The following PAFAH1B3 variants were observed in gnomAD, a reference collection of about 807,000 sequenced individuals.
PAFAH1B3 encodes platelet-activating factor acetylhydrolase IB subunit alpha1.
A neutral mutation model predicts 24.4 loss-of-function variants in PAFAH1B3; 15 were observed. That is an observed-to-expected ratio of 0.62 (90% confidence interval 0.41 to 0.95). The LOEUF is 0.95. Ranked by LOEUF, PAFAH1B3 falls within the 40% of genes least tolerant of loss-of-function variation. The pLI, the probability that PAFAH1B3 is intolerant of heterozygous loss-of-function variation, is 0.00. For synonymous variants in PAFAH1B3, 144 were observed against 126.5 expected (o/e 1.14, Z -0.93); for missense variants, 266 against 312.2 (o/e 0.85, Z 1.12).
chr19:42,300,850 T>C (rs1392236223), intron 2 of PAFAH1B3, among the ~76,000 whole-genome samples: 1 of 151,526 alleles, frequency 6.6e-6, no homozygotes, highest in Non-Finnish European at 1.5e-5. Flanking sequence ...GTTTTGCTCT[T>C]GTTGCCCAGG....
intron 4 of PAFAH1B3, among the ~76,000 whole-genome samples, chr19:42,298,228 C>T (rs111748018): frequency 0.015 from 2,317 of 152,178 alleles, 59 homozygotes; most frequent in African/African-American, 0.051. Flanking sequence ...AGGTTGCTCA[C>T]GCCTGTAATC....
Position 42,300,067 on chromosome 19 carries a change from T to G in PAFAH1B3, c.311A>C (p.Asn104Thr). Residue 104 changes from asparagine to threonine, a missense_variant, in exon 4 of 5, where the codon AAC becomes ACC. Transcript: ENST00000262890. ...PKIVVVWVGT[N>T]NHGHTAEQVT... ...CTGCTCTGCTGTGTGTCCGTGGTTG[T>G]TGGTGCCCACCCAGACCACCACAAT... 1 of 1,614,182 alleles carries G rather than the reference T, an allele frequency of 6.2e-7. No individual in the cohort carries two copies. Among genetic ancestry groups the G allele is most frequent in the Non-Finnish European group, 8.5e-7 (1 of 1,180,018 alleles).
At position 42,302,128 on chromosome 19, in the gene PAFAH1B3, C is replaced by T. The variant is rs982180600; in HGVS notation, c.79-89G>A. ...CCTTAGGCAGCGCCTCCTCAACTGC[C>T]CTCAGTTTCCCAATCAGGTAGTGAG... On this transcript the variant is annotated intron_variant, in intron 1 of 4. Coordinates refer to ENST00000262890, the MANE Select transcript of PAFAH1B3 (RefSeq NM_002573.4). 133 of 1,490,870 alleles carry T rather than the reference C, an allele frequency of 8.9e-5. 1 individual carries two copies. Among genetic ancestry groups the T allele is most frequent in the Middle Eastern group, 6.8e-4 (4 of 5,890 alleles). 92.4% of individuals were successfully genotyped at this position (1,490,870 alleles called of 1,614,324 possible). A position where few individuals can be genotyped will look rare whatever the true frequency, so the allele number is the denominator to read the frequency against.
chr19:42,298,970 C>T (rs926068684), intron 4 of PAFAH1B3, among the ~76,000 whole-genome samples: 5 of 151,956 alleles, frequency 3.3e-5, no homozygotes, highest in African/African-American at 1.2e-4. Context: ...CCTGCCACCA[C>T]GCCCGGCTAA....
At chr19:42,301,842 G>T in intron 2 of PAFAH1B3, 108 bp downstream of exon 2, 1 of 832,946 alleles carries the variant, frequency 1.2e-6, no homozygotes, top group South Asian at 1.5e-5. Context: ...GGCTGCCTGA[G>T]GCCAATCTGG....
chr19:42,297,433 T>G, intron 4 of PAFAH1B3, 68 bp from the exon 5 acceptor site: 7 of 1,168,798 alleles, frequency 6.0e-6, no homozygotes, highest in Non-Finnish European at 7.9e-6. Context: ...TGCCAACCTG[T>G]CCTCCACCCA....
rs1021817019 is a variant in PAFAH1B3 at position 42,297,329 on chromosome 19, G to C, written c.445C>G (p.Arg149Gly). ...LPRGQHPNPLREKNRQVNELV... is the reference protein window; with the variant it reads ...LPRGQHPNPLGEKNRQVNELV... ...TCGTTCACCTGTCGGTTCTTCTCCC[G>C]AAGTGGGTTGGGATGTTGGCCTCGC... The change falls in exon 5 of 5, where the codon CGG becomes GGG. Residue 149 changes from arginine to glycine, a missense_variant. Arg to Gly is a moderately radical substitution (Grantham distance 125). Transcript: ENST00000262890. 1 of 1,612,626 alleles carries C rather than the reference G, an allele frequency of 6.2e-7. No individual in the cohort carries two copies. Among genetic ancestry groups the C allele is most frequent in the African/African-American group, 1.3e-5 (1 of 74,888 alleles).
At chr19:42,297,519 T>C (rs1159206836) in intron 4 of PAFAH1B3, among the ~76,000 whole-genome samples, 154 bp from the exon 5 acceptor site, 2 of 151,520 alleles carry the variant, frequency 1.3e-5, no homozygotes, top group African/African-American at 2.4e-5. Flanking sequence ...TTCCTAAATA[T>C]CACATCCTAG....
chr19:42,301,914 G>T (rs1015834604), intron 2 of PAFAH1B3, 36 bp downstream of exon 2: 1 of 1,505,284 alleles, frequency 6.6e-7, no homozygotes, highest in Non-Finnish European at 9.1e-7. Flanking sequence ...ATGGACACAG[G>T]GCTGGATGGG....
chr19:42,301,900 C>T, intron 2 of PAFAH1B3, 50 bp downstream of exon 2: 1 of 1,457,950 alleles, frequency 6.9e-7, no homozygotes. Context: ...CCAGATGTGT[C>T]AGCATGGACA....
chr19:42,300,376 C>G (rs567901630), intron 2 of PAFAH1B3, 89 bp from the exon 3 acceptor site: 3 of 1,115,494 alleles, frequency 2.7e-6, no homozygotes, highest in East Asian at 4.7e-5. Flanking sequence ...AGGTGTTAAC[C>G]AAATGCCATT....
rs1300907122 is a variant in PAFAH1B3 at position 42,302,306 on chromosome 19, T to G, written c.4A>C (p.Ser2Arg). 16 of 1,603,018 alleles carry G rather than the reference T, an allele frequency of 1.0e-5. No homozygotes were observed. The highest frequency in any genetic ancestry group is 1.4e-5 in the Non-Finnish European group (16 of 1,176,194). The stretch of plus-strand genomic sequence containing the variant: ...TTGCTGGCTGGGTTCTCCTCTCCAC[T>G]CATCTTGGCGCCGCAGCTCCTGCAG... Reference protein sequence around the residue: MSGEENPASKPT... With the variant: MRGEENPASKPT... Residue 2 changes from serine (S) to arginine (R), a missense_variant, in exon 1 of 5, where the codon AGT becomes CGT. Transcript: ENST00000262890.
rs200857591 is a variant in PAFAH1B3, at chr19:42,302,042, G to A, written c.79-3C>T. 45 of 1,563,954 alleles carry A rather than the reference G, an allele frequency of 2.9e-5. No homozygotes were observed. The East Asian group carries it at 9.6e-4, about 33-fold the overall frequency. On this transcript the variant is annotated splice_polypyrimidine_tract_variant and splice_region_variant and intron_variant, in intron 1 of 4. Coordinates refer to ENST00000262890, the MANE Select transcript of PAFAH1B3 (RefSeq NM_002573.4). Reference sequence around the variant, plus strand: ...CTGTCAGCCACGAACCGATGGTGCTGCGGGAGCGCGCGAGAGGGAGTCAAT... The same window carrying A: ...CTGTCAGCCACGAACCGATGGTGCTACGGGAGCGCGCGAGAGGGAGTCAAT...
In PAFAH1B3 at chr19:42,300,241, A is replaced by T. The variant is rs1275656194; in HGVS notation, c.215T>A (p.Ile72Asn). 5 of 1,614,076 alleles carry T rather than the reference A, an allele frequency of 3.1e-6. No homozygotes were observed. Among genetic ancestry groups the T allele is most frequent in the African/African-American group, 1.3e-5 (1 of 74,916 alleles). Residue 72 changes from isoleucine to asparagine, a missense_variant, in exon 3 of 5, where the codon ATT becomes AAT. By Grantham distance (149) the Ile-to-Asn change is moderately radical. Coordinates refer to ENST00000262890, the MANE Select transcript of PAFAH1B3 (RefSeq NM_002573.4). ...FSPLHALNFGIGGDGTQHVLW... is the reference protein window; with the variant it reads ...FSPLHALNFGNGGDGTQHVLW... ...TACATGCTGTGTGCCGTCACCACCA[A>T]TGCCAAAGTTAAGTGCATGCAGAGG...
At position 42,302,388 on chromosome 19, in the gene PAFAH1B3, C is replaced by A. The variant is rs2038649070; in HGVS notation, c.-79G>T. 7.8e-7 allele frequency: 1 copy of A among 1,276,394 alleles called. No homozygotes were observed. The highest frequency in any genetic ancestry group is 1.3e-5 in the South Asian group (1 of 74,078). The allele number at this position is 1,276,394 out of a possible 1,614,324, so 79.1% of individuals were successfully genotyped here. On this transcript the variant is annotated 5_prime_UTR_variant, in exon 1 of 5. Transcript: ENST00000262890. The stretch of plus-strand genomic sequence containing the variant: ...CCGAACGGAGCTGGCTCCGCCACGC[C>A]CACTCCTACCCCTCGCGGCAACAAA...
chr19:42,297,572 T>G (rs1319070357), intron 4 of PAFAH1B3, among the ~76,000 whole-genome samples: 1 of 151,256 alleles, frequency 6.6e-6, no homozygotes, highest in African/African-American at 2.4e-5. Context: ...CCTCTTTCGT[T>G]TTCTTTTTTT....
chr19:42,302,119 C>T, intron 1 of PAFAH1B3, 80 bp from the exon 2 acceptor site: 2 of 1,488,798 alleles, frequency 1.3e-6, no homozygotes, highest in Non-Finnish European at 1.8e-6. Flanking sequence ...GCAGCGCCTC[C>T]TCAACTGCCC....
upstream of PAFAH1B3, chr19:42,302,660 G>T (rs1022357161): frequency 6.5e-6 from 2 of 309,572 alleles, no homozygotes; most frequent in Non-Finnish European, 1.2e-5. Context: ...CGGGGAGGAG[G>T]GAGAAACCAC....
At chr19:42,299,804 T>A (rs2038589672) in intron 4 of PAFAH1B3, 166 bp downstream of exon 4, 3 of 882,782 alleles carry the variant, frequency 3.4e-6, no homozygotes, top group Non-Finnish European at 5.3e-6. Flanking sequence ...TCGGAGCATA[T>A]TCTCAACCAC....
Sources: allele counts gnomAD v4.1 joint callset (sites outside exome capture counted in the v4.1 genomes callset), GRCh38; gene constraint gnomAD v4.1.1; transcripts MANE v1.5; gene names NCBI Gene and HGNC (gene_info 2026-07-23, HGNC 2026-07-21).